Variants in STK38 observed in about 807,000 individuals in gnomAD.
STK38 encodes serine/threonine kinase 38, also known as serine/threonine-protein kinase 38.
In STK38, 26 loss-of-function variants were observed where a neutral mutation model predicts 59.0. That is an observed-to-expected ratio of 0.44 (90% CI 0.32 to 0.61). The LOEUF (loss-of-function observed/expected upper bound fraction) is 0.61. Ranked by LOEUF, STK38 falls within the 20% of genes least tolerant of loss-of-function variation. The pLI is 0.04. For synonymous variants in STK38, 175 were observed against 176.6 expected (o/e 0.99, Z 0.07); for missense variants, 433 against 566.0 (o/e 0.76, Z 2.38).
At chr6:36,546,274 G>C (rs1311157588) in intron 1 of STK38, among the ~76,000 whole-genome samples, 1 of 152,224 alleles carries the variant, frequency 6.6e-6, no homozygotes, top group Non-Finnish European at 1.5e-5. Flanking sequence ...AGGAGTTTAT[G>C]TGTGATGGGG....
In STK38 at chr6:36,540,186, G is replaced by A; in HGVS notation, c.17C>T (p.Ser6Leu). ...GTTACTCATGGATGAGCAAGGTGTT[G>A]AGCCTGTCATTGCCATGGCTGCTAG... MAMTGSTPCSSMSNHT... is the reference protein window; with the variant it reads MAMTGLTPCSSMSNHT... Residue 6 changes from serine (S) to leucine (L), a missense_variant, in exon 2 of 14, where the codon TCA (serine) becomes TTA (leucine). Transcript: ENST00000229812. The A allele has an allele frequency of 6.2e-7, 1 of 1,613,962 alleles. No homozygotes were observed.
In STK38 at chr6:36,540,826, G is replaced by A. The variant is rs898943328; in HGVS notation, c.-5-619C>T. ...TTTTTAGTAGAGACGGGGCCACCTC[G>A]GCCTCCCAAAGTGCTGGGATTACAA... On this transcript the variant is annotated intron_variant, in intron 1 of 13. Transcript: ENST00000229812. Among the ~76,000 whole-genome samples, 11 of 151,842 alleles carry A rather than the reference G, an allele frequency of 7.2e-5. No homozygotes were observed. The East Asian group carries it at 1.2e-3, about 16-fold the overall frequency.
At chr6:36,521,653 A>G (rs1777377848) in intron 5 of STK38, 81 bp downstream of exon 5, 7 of 1,005,522 alleles carry the variant, frequency 7.0e-6, no homozygotes, top group Non-Finnish European at 9.9e-6. Flanking sequence ...TAATAAAAAT[A>G]TATATTTCAA....
chr6:36,527,928 T>A (rs1322683689), intron 2 of STK38, among the ~76,000 whole-genome samples: 1 of 141,004 alleles, frequency 7.1e-6, no homozygotes, highest in African/African-American at 2.7e-5. Flanking sequence ...AGAAACCCCA[T>A]CTCTACTAAA....
chr6:36,495,968 G>T, intron 13 of STK38, 54 bp from the exon 14 acceptor site: 4 of 1,604,014 alleles, frequency 2.5e-6, no homozygotes. Flanking sequence ...CCAATGGACT[G>T]CTCACGGTGC....
chr6:36,523,484 A>T (rs1442196428), intron 4 of STK38, among the ~76,000 whole-genome samples: 2 of 146,894 alleles, frequency 1.4e-5, no homozygotes. Context: ...CTGGTCTCGA[A>T]CTCCTGACCT....
intron 9 of STK38, 41 bp downstream of exon 9, chr6:36,506,542 A>T: frequency 6.3e-7 from 1 of 1,587,204 alleles, no homozygotes; most frequent in Non-Finnish European, 8.6e-7. Context: ...ACTTATTCAT[A>T]CTTGGTTTGT....
chr6:36,517,815 T>C lies in STK38; in HGVS notation c.416A>G (p.Asp139Gly). The C allele has an allele frequency of 6.2e-7, 1 of 1,614,128 alleles. No individual in the cohort carries two copies. The highest frequency in any genetic ancestry group is 1.6e-4 in the Middle Eastern group (1 of 6,062). Reference sequence around the variant, plus strand: ...CAAACTGTCTGCCTCCACTAGAATGTCACGCTCCGCACGAATGTGGCCAAC... The same window carrying C: ...CAAACTGTCTGCCTCCACTAGAATGCCACGCTCCGCACGAATGTGGCCAAC... ...EQVGHIRAERDILVEADSLWV... is the reference protein window; with the variant it reads ...EQVGHIRAERGILVEADSLWV... The change falls in exon 6 of 14, where the codon GAC (aspartate) becomes GGC (glycine). Residue 139 changes from aspartate (D) to glycine (G), a missense_variant. Asp to Gly is a moderately conservative substitution (Grantham distance 94). Transcript: ENST00000229812.
intron 11 of STK38, 133 bp from the exon 12 acceptor site, chr6:36,498,008 T>G: frequency 1.6e-6 from 1 of 641,404 alleles, no homozygotes; most frequent in Non-Finnish European, 2.6e-6. Context: ...AGCACAATCA[T>G]GGCTCACTGC....
chr6:36,529,009 T>G (rs1195679970), intron 2 of STK38, among the ~76,000 whole-genome samples: 3 of 151,776 alleles, frequency 2.0e-5, no homozygotes, highest in Non-Finnish European at 4.4e-5. Flanking sequence ...AGAGAAAGTA[T>G]CCAGAAAAAA....
At chr6:36,502,355 T>C (rs1362404896) in intron 9 of STK38, among the ~76,000 whole-genome samples, 1 of 152,200 alleles carries the variant, frequency 6.6e-6, no homozygotes, top group Non-Finnish European at 1.5e-5. Context: ...GTTGAGCACA[T>C]ATTCATATTT....
chr6:36,498,552 TC>T lies in STK38; in HGVS notation c.953-67del. The stretch of plus-strand genomic sequence containing the variant: ...ACTTTGAATCTGACCGAGATTACTC[TC>T]CTTAATAAAATTCTATGTCTTTTTT... On this transcript the variant is annotated intron_variant, in intron 10 of 13. Coordinates refer to ENST00000229812, the MANE Select transcript of STK38 (RefSeq NM_007271.4). 2.0e-6 allele frequency: 3 copies of T among 1,506,076 alleles called. No homozygotes were observed. In the South Asian group the frequency reaches 3.8e-5, roughly 19 times the overall value. The allele number at this position is 1,506,076 out of a possible 1,614,324, so 93.3% of individuals were successfully genotyped here.
chr6:36,535,076 G>T (rs1240596146), intron 2 of STK38, among the ~76,000 whole-genome samples: 1 of 151,986 alleles, frequency 6.6e-6, no homozygotes, highest in Admixed American at 6.6e-5. Flanking sequence ...CCAAATATTA[G>T]AAATAGATTA....
Position 36,524,431 on chromosome 6 carries a change from C to T in STK38, c.216G>A (p.Lys72=), listed in dbSNP as rs759958262. Reference sequence around the variant, plus strand: ...TCTTCAAACGAAGAAACTCTGTTTCCTTCCGAGCATGTGCTGATCTCCGGA... The same window carrying T: ...TCTTCAAACGAAGAAACTCTGTTTCTTTCCGAGCATGTGCTGATCTCCGGA... ...KRLRRSAHAR[K]ETEFLRLKRT... Residue 72 remains lysine, a synonymous_variant, in exon 4 of 14, where the codon AAG becomes AAA. Transcript: ENST00000229812. 2.9e-5 allele frequency: 46 copies of T among 1,612,108 alleles called. No individual in the cohort carries two copies. Among genetic ancestry groups the T allele is most frequent in the Non-Finnish European group, 3.4e-6 (4 of 1,179,448 alleles).
chr6:36,496,963 A>G (rs1237439718), intron 12 of STK38, among the ~76,000 whole-genome samples, 158 bp from the exon 13 acceptor site: 1 of 152,266 alleles, frequency 6.6e-6, no homozygotes, highest in Non-Finnish European at 1.5e-5. Context: ...ACACTGACCA[A>G]CCAAGCCAAC....
intron 1 of STK38, among the ~76,000 whole-genome samples, chr6:36,546,770 G>C (rs1435234858): frequency 3.9e-5 from 6 of 152,134 alleles, no homozygotes; most frequent in Admixed American, 1.3e-4. Context: ...CCCAAGGGGG[G>C]CTTTCGACAT....
intron 7 of STK38, among the ~76,000 whole-genome samples, chr6:36,508,789 C>G (rs950770837): frequency 1.1e-4 from 16 of 152,292 alleles, no homozygotes; most frequent in African/African-American, 3.8e-4. Context: ...CACAGCCAGG[C>G]ACACCGGTGG....
chr6:36,524,791 T>A, intron 3 of STK38, among the ~76,000 whole-genome samples: 1 of 152,216 alleles, frequency 6.6e-6, no homozygotes, highest in Non-Finnish European at 1.5e-5. Flanking sequence ...CTGTTTAATA[T>A]AAATTAAAAA....
intron 2 of STK38, among the ~76,000 whole-genome samples, chr6:36,528,238 G>C: frequency 6.6e-6 from 1 of 152,156 alleles, no homozygotes; most frequent in East Asian, 1.9e-4. Flanking sequence ...AGTGCTAAAA[G>C]AGGCTTGTGT....
Sources: gnomAD v4.1 joint callset for allele counts (sites outside exome capture counted in the v4.1 genomes callset) on GRCh38, gnomAD v4.1.1 for gene constraint, MANE v1.5 for transcripts, NCBI Gene and HGNC (gene_info 2026-07-23, HGNC 2026-07-21) for gene names.